Variants in CASZ1 observed in about 807,000 individuals in gnomAD.
The protein encoded by CASZ1 is zinc finger protein castor homolog 1.
CASZ1 carries 28 observed loss-of-function variants against 135.2 expected under a neutral mutation model. That is an observed-to-expected ratio of 0.21 (90% CI 0.15 to 0.28). The LOEUF is 0.28. Ranked by LOEUF, CASZ1 falls within the 10% of genes least tolerant of loss-of-function variation. CASZ1 has a pLI of 1.00. For missense variants in CASZ1, 2,161 were observed against 2,453.3 expected, an observed-to-expected ratio of 0.88 and a Z score of 2.52; for synonymous variants, 1,068 against 1,073.4, an observed-to-expected ratio of 0.99 and a Z score of 0.10.
At position 10,785,443 on chromosome 1, in the gene CASZ1, C is replaced by T. The variant is rs555241337; in HGVS notation, c.-234+11121G>A. Among the ~76,000 whole-genome samples, 3 of 152,300 alleles carry T rather than the reference C, an allele frequency of 2.0e-5. No homozygotes were observed. The East Asian group carries it at 5.8e-4, about 29-fold the overall frequency. ...TGAAACAAGAACCGGAGTGTTTTGG[C>T]ATAGCACAGTGAAATGGGAGAGGCC... On this transcript the variant is annotated intron_variant, in intron 1 of 20. Coordinates refer to ENST00000377022, the MANE Select transcript of CASZ1 (RefSeq NM_001079843.3).
rs1265506442 is a variant in CASZ1 at position 10,762,729 on chromosome 1, G to A, written c.-233-1872C>T. On this transcript the variant is annotated intron_variant, in intron 1 of 20. Transcript: ENST00000377022. This position sits in a 1 kb window ranked among gnomAD's most constrained non-coding sequence, Gnocchi z 4.1. ...TCTTCCAGCTTTGTAAAACAGACAT[G>A]TACATTCCCCAGAAAAAAGGTTAAG... Among the ~76,000 whole-genome samples the A allele has an allele frequency of 6.6e-6, 1 of 152,110 alleles. No homozygotes were observed. The highest frequency in any genetic ancestry group is 1.5e-5 in the Non-Finnish European group (1 of 68,034).
intron 1 of CASZ1, among the ~76,000 whole-genome samples, chr1:10,769,315 G>A (rs553081332): frequency 2.6e-4 from 40 of 152,252 alleles, no homozygotes; most frequent in African/African-American, 9.2e-4. Flanking sequence ...GGCCACATGC[G>A]GCTACTGAGC....
chr1:10,710,577 C>G lies in CASZ1; in HGVS notation c.-76-5033G>C, dbSNP rs143857196. Among the ~76,000 whole-genome samples, 18 of 152,344 alleles carry G rather than the reference C, an allele frequency of 1.2e-4. No homozygotes were observed. In the East Asian group the frequency reaches 2.9e-3, roughly 25 times the overall value. Reference sequence around the variant, plus strand: ...GTCAGCAAGAAGATTTTCCCAGGTGCTGGGAGGGTGCTTAGCAGTGCCCAC... The same window carrying G: ...GTCAGCAAGAAGATTTTCCCAGGTGGTGGGAGGGTGCTTAGCAGTGCCCAC... On this transcript the variant is annotated intron_variant, in intron 2 of 20. Transcript: ENST00000377022.
At position 10,750,674 on chromosome 1, in the gene CASZ1, T is replaced by C. The variant is rs192132365; in HGVS notation, c.-77+10027A>G. On this transcript the variant is annotated intron_variant, in intron 2 of 20. Coordinates refer to ENST00000377022, the MANE Select transcript of CASZ1 (RefSeq NM_001079843.3). Reference sequence around the variant, plus strand: ...TAGCACTTTGGGAGGCTGACGCAGGTGGATCACATGAGGTCAGGAGTTAGA... The same window carrying C: ...TAGCACTTTGGGAGGCTGACGCAGGCGGATCACATGAGGTCAGGAGTTAGA... Among the ~76,000 whole-genome samples the C allele has an allele frequency of 7.3e-3, 1,112 of 152,104 alleles. 10 individuals carry two copies. The highest frequency in any genetic ancestry group is 0.024 in the African/African-American group (984 of 41,504).
intron 2 of CASZ1, among the ~76,000 whole-genome samples, chr1:10,737,316 G>A (rs187032730): frequency 1.3e-5 from 2 of 152,150 alleles, no homozygotes; most frequent in Non-Finnish European, 2.9e-5. Flanking sequence ...CACCCTCGTG[G>A]GCCCTCCCCT....
chr1:10,668,320 T>A (rs1432763041), intron 4 of CASZ1, among the ~76,000 whole-genome samples: 1 of 152,158 alleles, frequency 6.6e-6, no homozygotes, highest in South Asian at 2.1e-4. Flanking sequence ...CCCTAAAATA[T>A]AAACGCCGTG....
At chr1:10,698,765 C>T (rs945011839) in intron 3 of CASZ1, among the ~76,000 whole-genome samples, 3 of 152,180 alleles carry the variant, frequency 2.0e-5, no homozygotes, top group Non-Finnish European at 4.4e-5. Flanking sequence ...CGAGCTCCTC[C>T]AAACTGGCCT....
chr1:10,658,610 C>A (rs1220153106), intron 6 of CASZ1, 34 bp from the exon 7 acceptor site: 1 of 1,590,046 alleles, frequency 6.3e-7, no homozygotes, highest in South Asian at 1.1e-5. Context: ...AGCCGGTGAG[C>A]AGATGGGGCA....
At position 10,650,717 on chromosome 1, in the gene CASZ1, G is replaced by C. The variant is rs775601462; in HGVS notation, c.2855C>G (p.Ser952Cys). 1 of 1,614,086 alleles carries C rather than the reference G, an allele frequency of 6.2e-7. No individual in the cohort carries two copies. The change falls in exon 13 of 21, where the codon TCT (serine) becomes TGT (cysteine). Residue 952 changes from serine to cysteine, a missense_variant. This residue lies in a region of CASZ1 where 406 missense variants were observed against 387.6 expected (regional missense o/e 1.05). Coordinates refer to ENST00000377022, the MANE Select transcript of CASZ1 (RefSeq NM_001079843.3). ...SNGHAVPANS[S>C]LLSSLMNKMS... is the part of the protein sequence containing the mutation. ...CTTATTCATAAGCGAGGATAAAAGAGATGAATTTGCCGGGACTGCGTGGCC... is the reference window on the plus strand; with the variant it reads ...CTTATTCATAAGCGAGGATAAAAGACATGAATTTGCCGGGACTGCGTGGCC...
rs556364675 is a variant in CASZ1, at chr1:10,767,468, G to A, written c.-233-6611C>T. On this transcript the variant is annotated intron_variant, in intron 1 of 20. Transcript: ENST00000377022. The surrounding 1 kb of genome is among the most constrained non-coding windows in gnomAD (Gnocchi z 4.2). ...AGGGGACAGGGCGGGGGCGATGGGA[G>A]CACAGGCTTCCCCTATTGCAAAGCC... 1.3e-5 allele frequency among the ~76,000 whole-genome samples: 2 copies of A among 152,308 alleles called. No homozygotes were observed. The highest frequency in any genetic ancestry group is 3.9e-4 in the East Asian group (2 of 5,174).
At position 10,657,650 on chromosome 1, in the gene CASZ1, G is replaced by T. The variant is rs940784530; in HGVS notation, c.1409+858C>A. 1.3e-5 allele frequency among the ~76,000 whole-genome samples: 2 copies of T among 152,034 alleles called. No individual in the cohort carries two copies. The highest frequency in any genetic ancestry group is 6.6e-5 in the Admixed American group (1 of 15,266). ...GGGGGGCGGAGACAGTGGGATGGGG[G>T]TGGACAGAGACAGAGCAGGACAGGG... On this transcript the variant is annotated intron_variant, in intron 7 of 20. Transcript: ENST00000377022. This position sits in a 1 kb window ranked among gnomAD's most constrained non-coding sequence, Gnocchi z 5.7.
chr1:10,698,113 C>T (rs1465689340), intron 3 of CASZ1, among the ~76,000 whole-genome samples: 1 of 152,164 alleles, frequency 6.6e-6, no homozygotes, highest in Non-Finnish European at 1.5e-5. Flanking sequence ...GGTGGCGGAG[C>T]GAGGGCCGCG....
chr1:10,648,364 C>T (rs1642442332), intron 15 of CASZ1: 2 of 475,872 alleles, frequency 4.2e-6, no homozygotes, highest in Non-Finnish European at 3.7e-6. Context: ...CCTAACCATG[C>T]CTTCCTACTT....
intron 9 of CASZ1, 68 bp from the exon 10 acceptor site, chr1:10,654,659 T>C: frequency 1.3e-6 from 2 of 1,482,016 alleles, no homozygotes; most frequent in Middle Eastern, 1.8e-4. Context: ...TCGACACCAC[T>C]GTGTGTGGCT....
chr1:10,761,642 T>G (rs1288426377), intron 1 of CASZ1, among the ~76,000 whole-genome samples: 1 of 152,234 alleles, frequency 6.6e-6, no homozygotes, highest in Non-Finnish European at 1.5e-5. Flanking sequence ...GATTCCTGTT[T>G]TGAATATCCA....
chr1:10,684,653 T>G (rs966702229), intron 4 of CASZ1, among the ~76,000 whole-genome samples: 11 of 152,164 alleles, frequency 7.2e-5, no homozygotes, highest in African/African-American at 2.7e-4. Context: ...CTGGGCAAAC[T>G]GGGGTGGTTG....
chr1:10,728,977 C>A (rs1050488295), intron 2 of CASZ1, among the ~76,000 whole-genome samples: 28 of 152,288 alleles, frequency 1.8e-4, no homozygotes, highest in African/African-American at 4.8e-4. Context: ...CTTCCCCCCC[C>A]ACTCTCCGGA....
chr1:10,791,138 A>C (rs749429211), intron 1 of CASZ1, among the ~76,000 whole-genome samples: 2 of 151,888 alleles, frequency 1.3e-5, no homozygotes, highest in Non-Finnish European at 2.9e-5. Context: ...AGAGCTGTTG[A>C]TTCCCGAGAA....
chr1:10,667,708 T>C (rs1347126130), intron 4 of CASZ1, among the ~76,000 whole-genome samples: 2 of 152,148 alleles, frequency 1.3e-5, no homozygotes, highest in African/African-American at 4.8e-5. Flanking sequence ...CAAGTGTGGA[T>C]GGCAGACAGC....
Sources: allele counts gnomAD v4.1 joint callset (sites outside exome capture counted in the v4.1 genomes callset), GRCh38; gene constraint gnomAD v4.1.1; regional missense constraint gnomAD v4.1.1; non-coding constraint Gnocchi (gnomAD v3.1); transcripts MANE v1.5; gene names NCBI Gene and HGNC (gene_info 2026-07-23, HGNC 2026-07-21).